The following SP140 variants were observed in gnomAD, a reference collection of about 807,000 sequenced individuals.
SP140 encodes nuclear body protein SP140.
Under a neutral mutation model 125.0 loss-of-function variants are expected in SP140, and 81 were observed. The observed-to-expected ratio is 0.65, with a 90% CI of 0.54 to 0.78. The LOEUF (loss-of-function observed/expected upper bound fraction) is 0.78, where lower values mean the gene tolerates loss of function less well. Among genes scored for constraint, SP140 ranks in the 30% least tolerant of loss-of-function variants. SP140 has a pLI of 0.00. For missense variants in SP140, 858 were observed against 1,037.0 expected, an observed-to-expected ratio of 0.83 and a Z score of 2.37; for synonymous variants, 312 against 354.0, an observed-to-expected ratio of 0.88 and a Z score of 1.33.
At chr2:230,310,267 T>C in intron 23 of SP140, 1 of 552,564 alleles carries the variant, frequency 1.8e-6, no homozygotes, top group South Asian at 2.2e-5. Context: ...AGGGCAGTGT[T>C]GGGGACCTTT....
At chr2:230,292,818 G>T in intron 20 of SP140, 30 bp downstream of exon 20, 1 of 1,612,394 alleles carries the variant, frequency 6.2e-7, no homozygotes, top group South Asian at 1.1e-5. Context: ...CCAGGCCTGT[G>T]TTCCTTCTTG....
downstream of SP140, among the ~76,000 whole-genome samples, chr2:230,314,599 A>G (rs2059470294): frequency 6.6e-6 from 1 of 152,242 alleles, no homozygotes; most frequent in Non-Finnish European, 1.5e-5. Flanking sequence ...TACACATTAA[A>G]TCAAGTGGAA....
chr2:230,244,643 C>T (rs1473545074), intron 5 of SP140, among the ~76,000 whole-genome samples: 1 of 151,760 alleles, frequency 6.6e-6, no homozygotes. Context: ...AAGAAGAGAA[C>T]CAGAAAGAAA....
In SP140 at chr2:230,243,826, A is replaced by G; in HGVS notation, c.571+15A>G. 6.3e-7 allele frequency: 1 copy of G among 1,588,076 alleles called. No individual in the cohort carries two copies. Among genetic ancestry groups the G allele is most frequent in the Non-Finnish European group, 8.6e-7 (1 of 1,156,864 alleles). On this transcript the variant is annotated intron_variant, in intron 5 of 26. Coordinates refer to ENST00000392045, the MANE Select transcript of SP140 (RefSeq NM_007237.5). ...GTGTGAGCCAGGTAAGGAAGGAGTGACTTGCTCTCCCTGACCTGCAGGGTG... is the reference window on the plus strand; with the variant it reads ...GTGTGAGCCAGGTAAGGAAGGAGTGGCTTGCTCTCCCTGACCTGCAGGGTG...
chr2:230,290,415 G>A lies in SP140; in HGVS notation c.1721-45G>A, dbSNP rs140928532. 1.9e-3 allele frequency: 2,990 copies of A among 1,559,134 alleles called. 39 individuals are homozygous for A. The African/African-American group carries it at 0.031, about 16-fold the overall frequency. On this transcript the variant is annotated intron_variant, in intron 18 of 26. Coordinates refer to ENST00000392045, the MANE Select transcript of SP140 (RefSeq NM_007237.5). ...AATTACCTCAGTAGGGAGGGGGGAC[G>A]TGCCTTTGCAAAGTGAGACAGAATG...
In SP140 at chr2:230,211,007, T is replaced by G. The variant is rs2044406454; in HGVS notation, c.-322-2647T>G. 6.6e-6 allele frequency among the ~76,000 whole-genome samples: 1 copy of G among 152,258 alleles called. No individual in the cohort carries two copies. Among genetic ancestry groups the G allele is most frequent in the South Asian group, 2.1e-4 (1 of 4,832 alleles). ...GGGCCACACAGTGTTTTTGTTCATT[T>G]GCTTTGCATTTTGACAGAGCCGTTT... On this transcript the variant is annotated intron_variant, in intron 1 of 4. Transcript: ENST00000456542. This position sits in a 1 kb window ranked among gnomAD's most constrained non-coding sequence, Gnocchi z 4.2.
Position 230,237,068 on chromosome 2 carries a change from A to G in SP140, c.60-15A>G. 1 of 1,554,218 alleles carries G rather than the reference A, an allele frequency of 6.4e-7. No individual in the cohort carries two copies. On this transcript the variant is annotated splice_polypyrimidine_tract_variant and intron_variant, in intron 1 of 26. Transcript: ENST00000392045. The surrounding 1 kb of genome is among the most constrained non-coding windows in gnomAD (Gnocchi z 5.4). The stretch of plus-strand genomic sequence containing the variant: ...AACTCAGTGTCTACTTCCACGTTGT[A>G]TCTTTGTTTCTTAGGATGGTCGCAG...
chr2:230,196,303 C>T, the SP140 span, among the ~76,000 whole-genome samples: 1 of 151,770 alleles, frequency 6.6e-6, no homozygotes, highest in Non-Finnish European at 1.5e-5. Flanking sequence ...ATAAACTGTC[C>T]ACTAGTAGGT....
At chr2:230,225,662 G>A (rs1490275344), upstream of SP140, 7 of 661,656 alleles carry the variant, frequency 1.1e-5, no homozygotes, top group East Asian at 5.5e-5. Context: ...ACTGAGAGAC[G>A]TCATGGAGAT....
intron 1 of SP140, among the ~76,000 whole-genome samples, chr2:230,209,660 C>CT (rs2044251360): frequency 6.6e-6 from 1 of 152,162 alleles, no homozygotes. Context: ...GCAATTAACA[C>CT]TCTAAGAAGT....
chr2:230,302,116 C>T (rs1273422565), intron 22 of SP140, among the ~76,000 whole-genome samples: 1 of 152,006 alleles, frequency 6.6e-6, no homozygotes, highest in African/African-American at 2.4e-5. Context: ...TGTGGAGTTC[C>T]CAAATTTACA....
chr2:230,305,196 G>A (rs141702119), intron 22 of SP140, among the ~76,000 whole-genome samples: 20 of 152,090 alleles, frequency 1.3e-4, no homozygotes, highest in African/African-American at 2.4e-4. Context: ...AATCAAAACC[G>A]CAATGCGATA....
At chr2:230,195,072 T>C in the SP140 span, among the ~76,000 whole-genome samples, 104 of 152,210 alleles carry the variant, frequency 6.8e-4, no homozygotes, top group African/African-American at 2.4e-3. Context: ...TTCTGTTTTC[T>C]TTTTGAACTT....
the SP140 span, among the ~76,000 whole-genome samples, chr2:230,192,805 T>C: frequency 6.6e-6 from 1 of 152,220 alleles, no homozygotes; most frequent in Admixed American, 6.5e-5. Flanking sequence ...TGGTCTATCT[T>C]GGAGAATGTT....
At chr2:230,212,907 T>C (rs758457774) in intron 1 of SP140, 2 of 1,613,844 alleles carry the variant, frequency 1.2e-6, no homozygotes, top group South Asian at 2.2e-5. Flanking sequence ...ACAGCTTGGT[T>C]GAGGGGGTTG....
intron 12 of SP140, among the ~76,000 whole-genome samples, chr2:230,265,749 C>A (rs2053001429): frequency 6.6e-6 from 1 of 151,212 alleles, no homozygotes; most frequent in Admixed American, 6.6e-5. Context: ...AGAGGAGGGT[C>A]TCCTTTTCCC....
At chr2:230,288,613 C>T (rs532329381) in intron 18 of SP140, among the ~76,000 whole-genome samples, 7 of 151,810 alleles carry the variant, frequency 4.6e-5, no homozygotes, top group Non-Finnish European at 8.8e-5. Flanking sequence ...TAATGCTATC[C>T]TTCCCCTAAC....
At chr2:230,216,737 T>C in intron 3 of SP140, 2 of 1,610,228 alleles carry the variant, frequency 1.2e-6, no homozygotes, top group Non-Finnish European at 1.7e-6. Flanking sequence ...ATCAGGCATA[T>C]TGGTGGGGGC....
At chr2:230,254,003 T>C (rs564611160) in intron 11 of SP140, among the ~76,000 whole-genome samples, 7 of 152,158 alleles carry the variant, frequency 4.6e-5, no homozygotes, top group Admixed American at 3.9e-4. Context: ...TCTAAGAGGT[T>C]AAGGTAAAAC....
Sources: allele counts gnomAD v4.1 joint callset (sites outside exome capture counted in the v4.1 genomes callset), GRCh38; gene constraint gnomAD v4.1.1; non-coding constraint Gnocchi (gnomAD v3.1); transcripts MANE v1.5; gene names NCBI Gene and HGNC (gene_info 2026-07-23, HGNC 2026-07-21).